STRBP: variants seen among roughly 807,000 people sequenced by gnomAD.
The protein encoded by STRBP is spermatid perinuclear RNA-binding protein.
In STRBP, 13 loss-of-function variants were observed where a neutral mutation model predicts 80.1. That is an observed-to-expected ratio of 0.16 (90% CI 0.11 to 0.26). The LOEUF is 0.26. Ranked by LOEUF, STRBP falls within the 10% of genes least tolerant of loss-of-function variation. The pLI, the probability that STRBP is intolerant of heterozygous loss-of-function variation, is 1.00. For synonymous variants in STRBP, 284 were observed against 291.2 expected, an observed-to-expected ratio of 0.98 and a Z score of 0.25; for missense variants, 485 against 815.2, an observed-to-expected ratio of 0.59 and a Z score of 4.93.
intron 11 of STRBP, among the ~76,000 whole-genome samples, chr9:123,153,080 C>T (rs555602573): frequency 6.6e-6 from 1 of 151,948 alleles, no homozygotes; most frequent in South Asian, 2.1e-4. Context: ...GATAGAGGGG[C>T]AAGAACAGAA....
intron 16 of STRBP, chr9:123,135,802 CAT>C: frequency 2.8e-6 from 1 of 355,236 alleles, no homozygotes; most frequent in Non-Finnish European, 5.1e-6. Flanking sequence ...CTAATAGCCT[CAT>C]ATATACATAT....
Position 123,122,092 on chromosome 9 carries a change from CAT to C in STRBP, c.*3503_*3504del, listed in dbSNP as rs2035752253. The C allele has an allele frequency of 4.3e-6, 1 of 233,720 alleles. No individual in the cohort carries two copies. The allele number at this position is 233,720 out of a possible 1,614,324, so 14.5% of individuals were successfully genotyped here. ...ACAATTTTTAAAGGTAATGCGATGA[CAT>C]ATGACCTAAGAGATCAAATACATCA... is the stretch of plus-strand genomic sequence containing the variant. On this transcript the variant is annotated 3_prime_UTR_variant, in exon 19 of 19. Coordinates refer to ENST00000348403, the MANE Select transcript of STRBP (RefSeq NM_018387.5).
intron 2 of STRBP, among the ~76,000 whole-genome samples, chr9:123,198,785 A>C (rs1487128623): frequency 6.6e-6 from 1 of 152,172 alleles, no homozygotes; most frequent in Non-Finnish European, 1.5e-5. Flanking sequence ...AGAGATAGAC[A>C]GTTTCATTCA....
In STRBP at chr9:123,115,699, C is replaced by G. The variant is rs537963323; in HGVS notation, c.*84+230G>C. 1 of 334,350 alleles carries G rather than the reference C, an allele frequency of 3.0e-6. No homozygotes were observed. The highest frequency in any genetic ancestry group is 5.9e-6 in the Non-Finnish European group (1 of 170,086). 20.7% of individuals were successfully genotyped at this position (334,350 alleles called of 1,614,324 possible). A position where few individuals can be genotyped will look rare whatever the true frequency, so the allele number is the denominator to read the frequency against. Reference sequence around the variant, plus strand: ...AGCATCACCAGTCAACATCAGAGTTCGTCCAAACTGACATTCCACAGCATT... The same window carrying G: ...AGCATCACCAGTCAACATCAGAGTTGGTCCAAACTGACATTCCACAGCATT... On this transcript the variant is annotated intron_variant and NMD_transcript_variant, in intron 3 of 3. Coordinates refer to the STRBP transcript ENST00000471564. This position sits in a 1 kb window ranked among gnomAD's most constrained non-coding sequence, Gnocchi z 5.0.
At chr9:123,198,586 G>A (rs1291729240) in intron 2 of STRBP, among the ~76,000 whole-genome samples, 1 of 151,842 alleles carries the variant, frequency 6.6e-6, no homozygotes, top group Non-Finnish European at 1.5e-5. Context: ...TTTTGCAGAA[G>A]CTTTTTAGTT....
At chr9:123,242,637 G>A (rs1564331809) in intron 1 of STRBP, among the ~76,000 whole-genome samples, 1 of 152,066 alleles carries the variant, frequency 6.6e-6, no homozygotes, top group East Asian at 1.9e-4. Context: ...TCCCGCCTGG[G>A]TGACAGAGTG....
At position 123,213,216 on chromosome 9, in the gene STRBP, G is replaced by GA. The variant is rs200972156; in HGVS notation, c.-165+23613dup. Among the ~76,000 whole-genome samples the GA allele has an allele frequency of 9.8e-3, 1,486 of 152,312 alleles. 8 individuals are homozygous for GA. Among genetic ancestry groups the GA allele is most frequent in the Non-Finnish European group, 0.015 (1,027 of 68,026 alleles). ...ACCCTTCCAACCTAATCAGCGTACT[G>GA]AAACTCAAGGGACAGCAATATAACG... On this transcript the variant is annotated intron_variant, in intron 2 of 18. Coordinates refer to ENST00000348403, the MANE Select transcript of STRBP (RefSeq NM_018387.5).
At chr9:123,184,672 T>C (rs1307213279) in intron 2 of STRBP, among the ~76,000 whole-genome samples, 4 of 152,258 alleles carry the variant, frequency 2.6e-5, no homozygotes, top group Non-Finnish European at 5.9e-5. Flanking sequence ...CAGACCCATC[T>C]GAAAATTCAG....
rs1028807762 is a variant in STRBP at position 123,136,902 on chromosome 9, G to A, written c.1498-387C>T. 6.6e-6 allele frequency among the ~76,000 whole-genome samples: 1 copy of A among 152,142 alleles called. No homozygotes were observed. Among genetic ancestry groups the A allele is most frequent in the African/African-American group, 2.4e-5 (1 of 41,428 alleles). On this transcript the variant is annotated intron_variant, in intron 14 of 18. Coordinates refer to ENST00000348403, the MANE Select transcript of STRBP (RefSeq NM_018387.5). This position sits in a 1 kb window ranked among gnomAD's most constrained non-coding sequence, Gnocchi z 4.2. ...GGGTTCATCATTTTTCTTCTTTAGGGTTAGGAAGAAATAACTCTCAATTTG... is the reference window on the plus strand; with the variant it reads ...GGGTTCATCATTTTTCTTCTTTAGGATTAGGAAGAAATAACTCTCAATTTG...
At chr9:123,191,419 G>T (rs898963987) in intron 2 of STRBP, among the ~76,000 whole-genome samples, 1 of 152,022 alleles carries the variant, frequency 6.6e-6, no homozygotes, top group Non-Finnish European at 1.5e-5. Flanking sequence ...GAGGAGGGCC[G>T]AGAGGACAGA....
chr9:123,211,387 G>A (rs920873041), intron 2 of STRBP, among the ~76,000 whole-genome samples: 3 of 152,114 alleles, frequency 2.0e-5, no homozygotes, highest in African/African-American at 7.2e-5. Flanking sequence ...CAGAAAGAGG[G>A]TGAATACAAA....
chr9:123,160,523 G>A, intron 7 of STRBP, 61 bp from the exon 8 acceptor site: 5 of 1,314,296 alleles, frequency 3.8e-6, no homozygotes, highest in Non-Finnish European at 5.1e-6. Flanking sequence ...TTTTGGGCAA[G>A]TTCTTTCAAG....
chr9:123,146,318 A>C, intron 13 of STRBP, among the ~76,000 whole-genome samples: 1 of 152,050 alleles, frequency 6.6e-6, no homozygotes, highest in Admixed American at 6.6e-5. Flanking sequence ...AGCACCATAT[A>C]CAAAGATACT....
chr9:123,184,525 G>A (rs2038618302), intron 2 of STRBP, among the ~76,000 whole-genome samples: 1 of 152,176 alleles, frequency 6.6e-6, no homozygotes, highest in Non-Finnish European at 1.5e-5. Flanking sequence ...GTGGCAGCTG[G>A]CTGACTAGCA....
intron 12 of STRBP, 98 bp from the exon 13 acceptor site, chr9:123,147,152 AT>A (rs1336634539): frequency 5.4e-6 from 5 of 927,014 alleles, no homozygotes; most frequent in Non-Finnish European, 8.0e-6. Flanking sequence ...ATTCACCAAA[AT>A]TTTTTTAAAT....
chr9:123,240,818 T>C (rs779217120), intron 1 of STRBP, among the ~76,000 whole-genome samples: 17 of 152,104 alleles, frequency 1.1e-4, no homozygotes, highest in Non-Finnish European at 2.2e-4. Context: ...CCACACTATA[T>C]CAACAATCCT....
chr9:123,172,581 T>C (rs1457801207), intron 5 of STRBP, among the ~76,000 whole-genome samples: 2 of 152,196 alleles, frequency 1.3e-5, no homozygotes, highest in East Asian at 1.9e-4. Flanking sequence ...AAGCCAAGTA[T>C]GTTCTGTCAC....
At chr9:123,118,989 AT>A (rs2035688671), downstream of STRBP, among the ~76,000 whole-genome samples, 1 of 152,242 alleles carries the variant, frequency 6.6e-6, no homozygotes, top group Non-Finnish European at 1.5e-5. Context: ...CAGTAAATGG[AT>A]AGACAAAAAG....
At chr9:123,139,709 G>A (rs2036509741) in intron 13 of STRBP, 22 bp from the exon 14 acceptor site, 2 of 1,600,936 alleles carry the variant, frequency 1.2e-6, no homozygotes, top group African/African-American at 1.3e-5. Flanking sequence ...ACATTAAAAT[G>A]CAGTTTTATT....
Sources: allele counts gnomAD v4.1 joint callset (sites outside exome capture counted in the v4.1 genomes callset), GRCh38; gene constraint gnomAD v4.1.1; non-coding constraint Gnocchi (gnomAD v3.1); transcripts MANE v1.5; gene names NCBI Gene and HGNC (gene_info 2026-07-23, HGNC 2026-07-21).